LRRC4C: variants seen among roughly 807,000 people sequenced by gnomAD.
The protein encoded by LRRC4C is leucine rich repeat containing 4C, also known as leucine-rich repeat-containing protein 4C.
Under a neutral mutation model 33.6 loss-of-function variants are expected in LRRC4C, and 5 were observed. The ratio of observed to expected loss-of-function variants is 0.15; its 90% confidence interval spans 0.08 to 0.31. The LOEUF is 0.31. Among genes scored for constraint, LRRC4C ranks in the 10% least tolerant of loss-of-function variants. LRRC4C has a pLI of 1.00. For missense variants in LRRC4C, 560 were observed against 796.7 expected (o/e 0.70, Z 3.58); for synonymous variants, 329 against 302.0 (o/e 1.09, Z -0.93).
At chr11:41,312,931 A>C (rs1950683361) in intron 1 of LRRC4C, among the ~76,000 whole-genome samples, 1 of 152,200 alleles carries the variant, frequency 6.6e-6, no homozygotes, top group Non-Finnish European at 1.5e-5. Context: ...GAAACATCAC[A>C]AGTAGTGGCC....
chr11:40,721,110 T>G (rs1946988232), intron 2 of LRRC4C, among the ~76,000 whole-genome samples: 2 of 152,168 alleles, frequency 1.3e-5, no homozygotes, highest in Non-Finnish European at 2.9e-5. Flanking sequence ...CCAAACATCA[T>G]TCACTGAGTC....
intron 1 of LRRC4C, among the ~76,000 whole-genome samples, chr11:41,125,260 C>T (rs1942679335): frequency 7.6e-6 from 1 of 131,920 alleles, no homozygotes; most frequent in Non-Finnish European, 1.6e-5. Flanking sequence ...GACAAAAGCC[C>T]ATGTTGAGTC....
intron 1 of LRRC4C, among the ~76,000 whole-genome samples, chr11:41,373,911 T>C (rs779478837): frequency 6.6e-5 from 10 of 152,222 alleles, no homozygotes; most frequent in Non-Finnish European, 1.5e-4. Context: ...TGTTGGATAA[T>C]ACCATGTGCC....
chr11:40,827,935 TC>T (rs1952236493), intron 2 of LRRC4C, among the ~76,000 whole-genome samples: 1 of 151,746 alleles, frequency 6.6e-6, no homozygotes, highest in Admixed American at 6.6e-5. Flanking sequence ...CAGGTGCTTA[TC>T]AAAAATAAAA....
At chr11:41,214,827 T>C (rs1006051390) in intron 1 of LRRC4C, among the ~76,000 whole-genome samples, 1 of 146,636 alleles carries the variant, frequency 6.8e-6, no homozygotes, top group African/African-American at 2.5e-5. Flanking sequence ...ATATATATTA[T>C]ATATATGTAT....
intron 1 of LRRC4C, among the ~76,000 whole-genome samples, chr11:41,302,739 TG>T (rs1447705554): frequency 2.0e-5 from 3 of 152,226 alleles, no homozygotes; most frequent in Non-Finnish European, 4.4e-5. Flanking sequence ...TTAATAATAA[TG>T]CCAGATTTTG....
intron 2 of LRRC4C, among the ~76,000 whole-genome samples, chr11:40,933,124 G>A (rs1957705316): frequency 6.6e-6 from 1 of 152,208 alleles, no homozygotes; most frequent in South Asian, 2.1e-4. Flanking sequence ...CAGGTTGATA[G>A]AGAAAGATAA....
rs936751857 is a variant in LRRC4C at position 40,733,174 on chromosome 11, C to T, written c.-406-84896G>A. Among the ~76,000 whole-genome samples, 12 of 142,968 alleles carry T rather than the reference C, an allele frequency of 8.4e-5. No homozygotes were observed. In the East Asian group the frequency reaches 1.5e-3, roughly 18 times the overall value. The allele number at this position is 142,968 out of a possible 152,430, so 93.8% of individuals were successfully genotyped here. A position where few individuals can be genotyped will look rare whatever the true frequency, so the allele number is the denominator to read the frequency against. Reference sequence around the variant, plus strand: ...CACTGCAAGCTCCGCCTCCCGGGTTCACGCTATTCTCCTGCCTCAGCCTCC... The same window carrying T: ...CACTGCAAGCTCCGCCTCCCGGGTTTACGCTATTCTCCTGCCTCAGCCTCC... On this transcript the variant is annotated intron_variant, in intron 2 of 6. Transcript: ENST00000528697.
chr11:41,023,918 G>A (rs114605770), intron 1 of LRRC4C, among the ~76,000 whole-genome samples: 3 of 151,736 alleles, frequency 2.0e-5, no homozygotes, highest in East Asian at 1.9e-4. Flanking sequence ...TCTGCTGTTC[G>A]GGACAAACTA....
chr11:40,871,208 C>G (rs1259832853), intron 2 of LRRC4C, among the ~76,000 whole-genome samples: 2 of 152,092 alleles, frequency 1.3e-5, no homozygotes, highest in East Asian at 3.9e-4. Flanking sequence ...TTTAATTTTG[C>G]CCCTGTCCTG....
At chr11:41,359,374 TAATC>T (rs1368781206) in intron 1 of LRRC4C, among the ~76,000 whole-genome samples, 3 of 152,156 alleles carry the variant, frequency 2.0e-5, no homozygotes, top group African/African-American at 7.2e-5. Flanking sequence ...CAATGTAGGA[TAATC>T]AACTGTAACA....
intron 1 of LRRC4C, among the ~76,000 whole-genome samples, chr11:41,417,204 A>C (rs538146865): frequency 6.6e-6 from 1 of 152,078 alleles, no homozygotes; most frequent in African/African-American, 2.4e-5. Context: ...CAGTGACAAC[A>C]CTTAATGCCC....
At chr11:41,079,676 G>A (rs1939419833) in intron 1 of LRRC4C, among the ~76,000 whole-genome samples, 1 of 152,200 alleles carries the variant, frequency 6.6e-6, no homozygotes, top group African/African-American at 2.4e-5. Flanking sequence ...TTAGAACAAA[G>A]CTTGTCCAAC....
chr11:40,696,066 TGA>T (rs1158977636), intron 2 of LRRC4C, among the ~76,000 whole-genome samples: 17 of 140,126 alleles, frequency 1.2e-4, no homozygotes, highest in African/African-American at 4.3e-4. Context: ...TGTGTATATA[TGA>T]GTGTGTATAT....
At chr11:40,592,744 T>G (rs1425978886) in intron 3 of LRRC4C, among the ~76,000 whole-genome samples, 3 of 152,138 alleles carry the variant, frequency 2.0e-5, no homozygotes, top group African/African-American at 4.8e-5. Context: ...CATCTCCCAC[T>G]CTGGCATGCA....
intron 3 of LRRC4C, among the ~76,000 whole-genome samples, chr11:40,552,306 G>A (rs539502087): frequency 2.0e-5 from 3 of 152,212 alleles, no homozygotes; most frequent in Non-Finnish European, 2.9e-5. Context: ...GAGAGGTTAA[G>A]GAACTGGCTT....
chr11:40,777,687 T>C lies in LRRC4C; in HGVS notation c.-406-129409A>G, dbSNP rs1950060495. On this transcript the variant is annotated intron_variant, in intron 2 of 6. Transcript: ENST00000528697. Reference sequence around the variant, plus strand: ...CAGACAAATGGATCTTGATTTTTTATTTTTTTTATTTTTTTTTTGAGATGG... The same window carrying C: ...CAGACAAATGGATCTTGATTTTTTACTTTTTTTATTTTTTTTTTGAGATGG... Among the ~76,000 whole-genome samples, 9 of 151,012 alleles carry C rather than the reference T, an allele frequency of 6.0e-5. 1 individual carries two copies. The South Asian group carries it at 1.9e-3, about 32-fold the overall frequency.
intron 3 of LRRC4C, among the ~76,000 whole-genome samples, chr11:40,365,324 G>T (rs1948158354): frequency 6.6e-6 from 1 of 151,996 alleles, no homozygotes; most frequent in Admixed American, 6.6e-5. Flanking sequence ...TGATAGGAGG[G>T]TACACTAAAA....
intron 5 of LRRC4C, among the ~76,000 whole-genome samples, chr11:40,160,406 G>C (rs904645615): frequency 7.2e-5 from 11 of 152,028 alleles, no homozygotes; most frequent in Admixed American, 7.2e-4. Flanking sequence ...TAAATATAAG[G>C]GACTCAGAAG....
Sources: gnomAD v4.1 joint callset for allele counts (sites outside exome capture counted in the v4.1 genomes callset) on GRCh38, gnomAD v4.1.1 for gene constraint, MANE v1.5 for transcripts, NCBI Gene and HGNC (gene_info 2026-07-23, HGNC 2026-07-21) for gene names.